The following CALN1 variants were observed in gnomAD, a reference collection of about 807,000 sequenced individuals.
The protein encoded by CALN1 is calneuron 1, also known as calcium-binding protein 8.
Under a neutral mutation model 30.6 loss-of-function variants are expected in CALN1, and 17 were observed. The ratio of observed to expected loss-of-function variants is 0.56; its 90% confidence interval spans 0.38 to 0.83. The LOEUF is 0.83. Ranked by LOEUF, CALN1 falls within the 40% of genes least tolerant of loss-of-function variation. CALN1 has a pLI of 0.00. For synonymous variants in CALN1, 156 were observed against 131.4 expected (o/e 1.19, Z -1.28); for missense variants, 291 against 354.9 (o/e 0.82, Z 1.45).
At chr7:72,147,793 T>C (rs964793818) in intron 3 of CALN1, among the ~76,000 whole-genome samples, 1 of 151,982 alleles carries the variant, frequency 6.6e-6, no homozygotes, top group Non-Finnish European at 1.5e-5. Context: ...TTCATGTCCT[T>C]TGTAGGGACA....
chr7:71,887,815 G>C (rs902926832), intron 5 of CALN1, among the ~76,000 whole-genome samples: 5 of 152,144 alleles, frequency 3.3e-5, no homozygotes, highest in African/African-American at 9.7e-5. Flanking sequence ...GGGTGAGAAG[G>C]AGGAGAGCAG....
At chr7:72,383,908 T>TTA (rs1341525562) in intron 2 of CALN1, among the ~76,000 whole-genome samples, 1 of 152,216 alleles carries the variant, frequency 6.6e-6, no homozygotes. Context: ...TGCAGGTTTG[T>TTA]TACATAGGGA....
At chr7:72,326,022 C>A (rs1354498357) in intron 2 of CALN1, among the ~76,000 whole-genome samples, 1 of 152,152 alleles carries the variant, frequency 6.6e-6, no homozygotes, top group African/African-American at 2.4e-5. Flanking sequence ...CTGCCTCAAG[C>A]CTTCTGAGTG....
At chr7:72,057,383 CTTTTTTTTT>C (rs60838093) in intron 4 of CALN1, among the ~76,000 whole-genome samples, 2 of 101,910 alleles carry the variant, frequency 2.0e-5, no homozygotes, top group Non-Finnish European at 3.9e-5. Context: ...TTTAAATGTT[CTTTTTTTTT>C]TTTTTTTTTT....
chr7:71,804,630 A>C (rs1199099172), intron 6 of CALN1, among the ~76,000 whole-genome samples: 2 of 151,928 alleles, frequency 1.3e-5, no homozygotes, highest in Non-Finnish European at 2.9e-5. Context: ...ATCAGCCTGG[A>C]CAACATGGCA....
At chr7:71,980,187 C>CTTTTT (rs60273576) in intron 5 of CALN1, among the ~76,000 whole-genome samples, 1 of 107,268 alleles carries the variant, frequency 9.3e-6, no homozygotes, top group African/African-American at 3.4e-5. Flanking sequence ...TCTTCTTTTT[C>CTTTTT]TTTTTTTTTT....
chr7:72,266,822 A>C (rs763705379), intron 3 of CALN1, among the ~76,000 whole-genome samples: 2 of 152,178 alleles, frequency 1.3e-5, no homozygotes, highest in Admixed American at 1.3e-4. Flanking sequence ...AGCAGCTACC[A>C]TCAGAGAAAT....
In CALN1 at chr7:72,120,221, A is replaced by G. The variant is rs926101067; in HGVS notation, c.245-13927T>C. Among the ~76,000 whole-genome samples the G allele has an allele frequency of 5.9e-5, 9 of 152,350 alleles. No homozygotes were observed. In the East Asian group the frequency reaches 1.5e-3, roughly 26 times the overall value. On this transcript the variant is annotated intron_variant, in intron 3 of 6. Transcript: ENST00000395275. The stretch of plus-strand genomic sequence containing the variant: ...ATTATCTATATTTCACTGGTCTGCA[A>G]TAACCATTACTAACATATTAGCACA...
chr7:72,375,902 C>T (rs1010238498), intron 2 of CALN1, among the ~76,000 whole-genome samples: 2 of 152,156 alleles, frequency 1.3e-5, no homozygotes, highest in African/African-American at 4.8e-5. Flanking sequence ...ACAGAAACCT[C>T]ATTCTTCCCA....
intron 3 of CALN1, among the ~76,000 whole-genome samples, chr7:72,160,706 ATAG>A (rs1788044981): frequency 1.3e-5 from 2 of 152,338 alleles, no homozygotes; most frequent in South Asian, 4.1e-4. Flanking sequence ...AAGCTCTGCT[ATAG>A]TAAGGAGCTA....
intron 3 of CALN1, among the ~76,000 whole-genome samples, chr7:72,172,656 T>C (rs181866628): frequency 1.3e-5 from 2 of 152,240 alleles, no homozygotes; most frequent in Non-Finnish European, 2.9e-5. Context: ...TAAAAAGAGA[T>C]AATTCACTAC....
At chr7:72,467,726 A>T in the CALN1 span, among the ~76,000 whole-genome samples, 397 of 152,330 alleles carry the variant, frequency 2.6e-3, 1 homozygote, top group African/African-American at 9.2e-3. Context: ...CTTTTTAAAA[A>T]ATATATTTTT....
intron 5 of CALN1, among the ~76,000 whole-genome samples, chr7:71,965,483 T>C (rs1342146108): frequency 3.9e-5 from 6 of 152,232 alleles, no homozygotes; most frequent in African/African-American, 1.4e-4. Flanking sequence ...CATAATTTTA[T>C]ACTCATAAGC....
intron 5 of CALN1, among the ~76,000 whole-genome samples, chr7:71,878,983 C>A (rs1466333862): frequency 6.6e-6 from 1 of 152,196 alleles, no homozygotes; most frequent in African/African-American, 2.4e-5. Flanking sequence ...ATGGAACTTG[C>A]AGTTTTGACG....
intron 3 of CALN1, among the ~76,000 whole-genome samples, chr7:72,146,029 A>G (rs1367923605): frequency 1.3e-5 from 2 of 152,164 alleles, no homozygotes; most frequent in Non-Finnish European, 2.9e-5. Flanking sequence ...TGAATGGGCA[A>G]AAACTGGAAG....
chr7:71,983,854 C>CTA (rs1292022803), intron 5 of CALN1, among the ~76,000 whole-genome samples: 1 of 151,990 alleles, frequency 6.6e-6, no homozygotes, highest in African/African-American at 2.4e-5. Context: ...TTAAATCCAG[C>CTA]TATATGCTAC....
At chr7:72,093,998 G>A (rs6963114) in intron 4 of CALN1, among the ~76,000 whole-genome samples, 34,571 of 151,986 alleles carry the variant, frequency 0.23, 4,870 homozygotes, top group East Asian at 0.69. Context: ...GACCATGAAG[G>A]CCTGTAATAA....
chr7:71,806,057 G>A (rs1034975440), intron 6 of CALN1, among the ~76,000 whole-genome samples: 2 of 152,138 alleles, frequency 1.3e-5, no homozygotes, highest in African/African-American at 2.4e-5. Flanking sequence ...GTTGCGGGGT[G>A]GGGGATGGAG....
chr7:72,024,597 C>T (rs1445698722), intron 4 of CALN1, among the ~76,000 whole-genome samples: 1 of 152,156 alleles, frequency 6.6e-6, no homozygotes, highest in South Asian at 2.1e-4. Flanking sequence ...CAGGGTTTCA[C>T]CATGTTGCCC....
Sources: allele counts gnomAD v4.1 joint callset (sites outside exome capture counted in the v4.1 genomes callset), GRCh38; gene constraint gnomAD v4.1.1; transcripts MANE v1.5; gene names NCBI Gene and HGNC (gene_info 2026-07-23, HGNC 2026-07-21).